PNPLA1: variants seen among roughly 807,000 people sequenced by gnomAD.
PNPLA1 encodes the protein patatin like domain 1, omega-hydroxyceramide transacylase.
Under a neutral mutation model 51.7 loss-of-function variants are expected in PNPLA1, and 36 were observed. That is an observed-to-expected ratio of 0.70 (90% CI 0.53 to 0.92). The LOEUF (loss-of-function observed/expected upper bound fraction) is 0.92, where lower values mean the gene tolerates loss of function less well. Ranked by LOEUF, PNPLA1 falls within the 40% of genes least tolerant of loss-of-function variation. The probability of loss-of-function intolerance (pLI) is 0.00; values close to 1 mark genes in which losing one functional copy is unlikely to be tolerated. For missense variants in PNPLA1, 658 were observed against 682.5 expected, an observed-to-expected ratio of 0.96 and a Z score of 0.40; for synonymous variants, 293 against 280.1, an observed-to-expected ratio of 1.05 and a Z score of -0.46.
intron 1 of PNPLA1, among the ~76,000 whole-genome samples, chr6:36,283,372 A>G (rs1053273434): frequency 6.6e-6 from 1 of 152,174 alleles, no homozygotes; most frequent in Admixed American, 6.5e-5. Flanking sequence ...TCTTTTTCCA[A>G]TTCTAGGGGG....
chr6:36,291,582 AC>A, intron 2 of PNPLA1, 30 bp downstream of exon 2: 1 of 163,188 alleles, frequency 6.1e-6, no homozygotes. Context: ...AGGGAGGGAC[AC>A]GGAGGGGGCG....
At chr6:36,284,949 T>C (rs1770437481) in intron 1 of PNPLA1, among the ~76,000 whole-genome samples, 1 of 152,142 alleles carries the variant, frequency 6.6e-6, no homozygotes, top group Admixed American at 6.5e-5. Flanking sequence ...TTTCAATCAA[T>C]ACCCCTGCAG....
chr6:36,297,133 A>G (rs1459515676), intron 5 of PNPLA1, among the ~76,000 whole-genome samples: 1 of 152,180 alleles, frequency 6.6e-6, no homozygotes, highest in Admixed American at 6.5e-5. Context: ...GAGCCAGTAT[A>G]TGGATGGGGG....
At chr6:36,258,839 T>C (rs144780338) in intron 1 of PNPLA1, among the ~76,000 whole-genome samples, 17 of 152,320 alleles carry the variant, frequency 1.1e-4, no homozygotes, top group Admixed American at 1.1e-3. Flanking sequence ...AATATGAAGG[T>C]TTGCATTGTC....
intron 5 of PNPLA1, 40 bp downstream of exon 5, chr6:36,295,464 G>A (rs963947365): frequency 1.9e-6 from 3 of 1,601,410 alleles, no homozygotes; most frequent in Non-Finnish European, 1.7e-6. Context: ...CAGTGTTGGA[G>A]GGTAGGGAAA....
intron 1 of PNPLA1, among the ~76,000 whole-genome samples, chr6:36,284,427 C>A (rs12212459): frequency 0.61 from 92,469 of 152,014 alleles, 28,192 homozygotes; most frequent in Middle Eastern, 0.66. Flanking sequence ...GGCAGAGCAG[C>A]AAAATGTGAG....
chr6:36,304,918 G>A (rs1771184870), intron 6 of PNPLA1, among the ~76,000 whole-genome samples: 1 of 152,152 alleles, frequency 6.6e-6, no homozygotes, highest in Admixed American at 6.5e-5. Context: ...AGTGGTTACA[G>A]GCTGGGGACA....
At chr6:36,306,920 A>G (rs1015226790) in intron 7 of PNPLA1, among the ~76,000 whole-genome samples, 2 of 152,200 alleles carry the variant, frequency 1.3e-5, no homozygotes, top group Non-Finnish European at 2.9e-5. Context: ...ATATCTTTGC[A>G]ATAACTATGA....
At chr6:36,286,851 ATT>A (rs745386551) in intron 1 of PNPLA1, among the ~76,000 whole-genome samples, 1 of 144,032 alleles carries the variant, frequency 6.9e-6, no homozygotes. Flanking sequence ...GCTAATTTAA[ATT>A]TTTTTTTTTT....
intron 6 of PNPLA1, among the ~76,000 whole-genome samples, chr6:36,305,159 T>C (rs901994136): frequency 5.9e-5 from 9 of 152,178 alleles, no homozygotes; most frequent in Non-Finnish European, 1.3e-4. Flanking sequence ...AAAAATTCAT[T>C]AACTTTCTTA....
intron 1 of PNPLA1, among the ~76,000 whole-genome samples, chr6:36,243,552 T>G (rs956396565): frequency 6.6e-6 from 1 of 152,168 alleles, no homozygotes; most frequent in African/African-American, 2.4e-5. Context: ...AGATGCGCAC[T>G]TGTGTTTGAG....
chr6:36,303,303 C>T (rs1025125886), intron 6 of PNPLA1, among the ~76,000 whole-genome samples: 6 of 152,136 alleles, frequency 3.9e-5, no homozygotes, highest in Admixed American at 3.3e-4. Flanking sequence ...CTGTGTTAGC[C>T]AGGATGGTCT....
intron 1 of PNPLA1, 60 bp downstream of exon 1, chr6:36,270,724 G>A: frequency 6.6e-7 from 1 of 1,519,504 alleles, no homozygotes. Flanking sequence ...AGAGACAGAA[G>A]GAGCGTGAGG....
chr6:36,259,137 C>T (rs1416822580), intron 1 of PNPLA1, among the ~76,000 whole-genome samples: 3 of 152,196 alleles, frequency 2.0e-5, no homozygotes, highest in Non-Finnish European at 2.9e-5. Context: ...GGAACAGACC[C>T]TCCTAGTGAC....
At chr6:36,253,894 G>A (rs1447555076) in intron 1 of PNPLA1, among the ~76,000 whole-genome samples, 1 of 152,116 alleles carries the variant, frequency 6.6e-6, no homozygotes, top group East Asian at 1.9e-4. Context: ...AGAAGTTAAC[G>A]TGTCTTTCGG....
chr6:36,263,821 T>C (rs1769705232), intron 1 of PNPLA1, among the ~76,000 whole-genome samples: 1 of 152,176 alleles, frequency 6.6e-6, no homozygotes, highest in Non-Finnish European at 1.5e-5. Context: ...CCACCCTCTC[T>C]ATCTGGCTTT....
intron 5 of PNPLA1, 51 bp from the exon 6 acceptor site, chr6:36,301,810 G>A (rs769812955): frequency 6.4e-7 from 1 of 1,567,378 alleles, no homozygotes; most frequent in Non-Finnish European, 8.7e-7. Flanking sequence ...TTTTGCAAAG[G>A]CCATGCTGCT....
chr6:36,263,226 C>T (rs1191359833), intron 1 of PNPLA1, among the ~76,000 whole-genome samples: 1 of 152,048 alleles, frequency 6.6e-6, no homozygotes, highest in East Asian at 1.9e-4. Flanking sequence ...CCGAAGACAC[C>T]ATTAAAATGT....
chr6:36,267,598 C>A (rs1437111109), upstream of PNPLA1, among the ~76,000 whole-genome samples: 1 of 152,162 alleles, frequency 6.6e-6, no homozygotes, highest in African/African-American at 2.4e-5. Flanking sequence ...GTCCCCAGCC[C>A]CCCAGGTGCC....
Sources: gnomAD v4.1 joint callset for allele counts (sites outside exome capture counted in the v4.1 genomes callset) on GRCh38, gnomAD v4.1.1 for gene constraint, MANE v1.5 for transcripts, NCBI Gene and HGNC (gene_info 2026-07-23, HGNC 2026-07-21) for gene names.